Variants in SMARCAD1 observed in about 807,000 individuals in gnomAD.
The protein encoded by SMARCAD1 is SWI/SNF-related matrix-associated actin-dependent regulator of chromatin subfamily A containing DEAD/H box 1.
A neutral mutation model predicts 127.1 loss-of-function variants in SMARCAD1; 25 were observed. That is an observed-to-expected ratio of 0.20 (90% confidence interval 0.14 to 0.27). The LOEUF (loss-of-function observed/expected upper bound fraction) is 0.27, where lower values mean the gene tolerates loss of function less well. Ranked by LOEUF, SMARCAD1 falls within the 10% of genes least tolerant of loss-of-function variation. The pLI is 1.00. For synonymous variants in SMARCAD1, 400 were observed against 396.9 expected (o/e 1.01, Z -0.09); for missense variants, 807 against 1,206.0 (o/e 0.67, Z 4.90).
At chr4:94,287,097 C>T (rs1418179919) in intron 23 of SMARCAD1, among the ~76,000 whole-genome samples, 1 of 152,058 alleles carries the variant, frequency 6.6e-6, no homozygotes, top group African/African-American at 2.4e-5. Flanking sequence ...ATCTCCTGAC[C>T]TCGTGAGCCA....
intron 2 of SMARCAD1, among the ~76,000 whole-genome samples, chr4:94,214,982 A>G (rs890916569): frequency 4.6e-5 from 7 of 152,178 alleles, no homozygotes; most frequent in African/African-American, 1.2e-4. Flanking sequence ...GATCTTGAGT[A>G]AAAAGTCAAC....
At chr4:94,256,341 T>C (rs1750071566) in intron 9 of SMARCAD1, among the ~76,000 whole-genome samples, 1 of 152,028 alleles carries the variant, frequency 6.6e-6, no homozygotes, top group Non-Finnish European at 1.5e-5. Context: ...TCTACTAGAC[T>C]GTGGATTTTC....
intron 9 of SMARCAD1, among the ~76,000 whole-genome samples, chr4:94,261,846 A>G (rs1375880011): frequency 1.3e-5 from 2 of 152,064 alleles, no homozygotes; most frequent in African/African-American, 4.8e-5. Flanking sequence ...CTAGGCTCAA[A>G]CAGTGCTCTT....
At chr4:94,267,969 T>C (rs1579285498) in intron 10 of SMARCAD1, among the ~76,000 whole-genome samples, 1 of 152,166 alleles carries the variant, frequency 6.6e-6, no homozygotes, top group Non-Finnish European at 1.5e-5. Flanking sequence ...AATGTTGTTA[T>C]AATAAATGGG....
chr4:94,217,436 A>T (rs767846057), intron 2 of SMARCAD1, among the ~76,000 whole-genome samples: 1 of 151,950 alleles, frequency 6.6e-6, no homozygotes, highest in Non-Finnish European at 1.5e-5. Context: ...CTAGATTTTG[A>T]TGTGTTTTTG....
intron 12 of SMARCAD1, 24 bp downstream of exon 12, chr4:94,273,740 T>C: frequency 6.4e-7 from 1 of 1,555,822 alleles, no homozygotes; most frequent in Non-Finnish European, 8.9e-7. Context: ...GAGACAACTG[T>C]ATTTAACTTT....
At chr4:94,274,508 G>C (rs7653910) in intron 12 of SMARCAD1, among the ~76,000 whole-genome samples, 21,880 of 151,916 alleles carry the variant, frequency 0.14, 1,805 homozygotes, top group Non-Finnish European at 0.19. Context: ...GTGGAGATGG[G>C]GTTTCACCAT....
intron 2 of SMARCAD1, among the ~76,000 whole-genome samples, chr4:94,222,935 G>A (rs545195244): frequency 1.4e-4 from 21 of 152,174 alleles, no homozygotes; most frequent in Admixed American, 2.6e-4. Context: ...CTGCACTCCA[G>A]CCTGGGCGAC....
In SMARCAD1 at chr4:94,290,954, C is replaced by A; in HGVS notation, c.*1420C>A. On this transcript the variant is annotated 3_prime_UTR_variant, in exon 24 of 24. Coordinates refer to ENST00000354268, the MANE Select transcript of SMARCAD1 (RefSeq NM_020159.5). ...TTATTTAGATATTAAAGACTGAGAA[C>A]TCACGGCTTAACCCCAGTCTTGATG... is the stretch of plus-strand genomic sequence containing the variant. The A allele has an allele frequency of 2.2e-6, 1 of 452,058 alleles. No homozygotes were observed. Among genetic ancestry groups the A allele is most frequent in the South Asian group, 1.6e-5 (1 of 63,368 alleles). The allele number at this position is 452,058 out of a possible 1,614,324, so 28.0% of individuals were successfully genotyped here. A position where few individuals can be genotyped will look rare whatever the true frequency, so the allele number is the denominator to read the frequency against.
At chr4:94,255,337 A>G (rs1749903505) in intron 9 of SMARCAD1, among the ~76,000 whole-genome samples, 1 of 152,064 alleles carries the variant, frequency 6.6e-6, no homozygotes, top group Non-Finnish European at 1.5e-5. Flanking sequence ...GAGCCCGTGA[A>G]TAAAGTACAT....
chr4:94,276,718 AAGCCATAATTTACC>A (rs200556343), intron 15 of SMARCAD1, among the ~76,000 whole-genome samples: 5,489 of 152,256 alleles, frequency 0.036, 110 homozygotes, highest in Middle Eastern at 0.054. Flanking sequence ...ATTAGGTCAT[AAGCCATAATTTACC>A]TGTTCTATAT....
intron 2 of SMARCAD1, among the ~76,000 whole-genome samples, chr4:94,221,459 A>G (rs1190250194): frequency 2.6e-5 from 4 of 152,218 alleles, no homozygotes; most frequent in African/African-American, 9.6e-5. Flanking sequence ...AATATTCACA[A>G]TAATCTAAAA....
At chr4:94,253,241 A>T (rs1749544646) in intron 9 of SMARCAD1, 1 of 1,495,704 alleles carries the variant, frequency 6.7e-7, no homozygotes. Flanking sequence ...ATTGGCTGGG[A>T]ATACTGTCAC....
chr4:94,279,893 T>C (rs1283405801), intron 19 of SMARCAD1, among the ~76,000 whole-genome samples: 13 of 152,126 alleles, frequency 8.5e-5, no homozygotes. Context: ...AGATAGACTT[T>C]TGCTCTTGTC....
intron 3 of SMARCAD1, among the ~76,000 whole-genome samples, chr4:94,226,645 T>C (rs1745066330): frequency 6.6e-6 from 1 of 151,928 alleles, no homozygotes. Context: ...AGTCCATGAA[T>C]CAAGTCATTT....
chr4:94,273,838 T>A, intron 12 of SMARCAD1, 122 bp downstream of exon 12: 1 of 732,110 alleles, frequency 1.4e-6, no homozygotes, highest in Non-Finnish European at 2.4e-6. Context: ...AGATGAATAT[T>A]AATTTTATGG....
In SMARCAD1 at chr4:94,273,613, T is replaced by C. The variant is rs1053520716; in HGVS notation, c.1573-4T>C. On this transcript the variant is annotated splice_region_variant and splice_polypyrimidine_tract_variant and intron_variant, in intron 11 of 23. Transcript: ENST00000354268. ...TGTTATATATTGTCTTTTAAACTTTTTAGGGCCTAGGAAAAACTATTCAAG... is the reference window on the plus strand; with the variant it reads ...TGTTATATATTGTCTTTTAAACTTTCTAGGGCCTAGGAAAAACTATTCAAG... 1.9e-5 allele frequency: 30 copies of C among 1,611,114 alleles called. No homozygotes were observed. The highest frequency in any genetic ancestry group is 2.5e-5 in the Non-Finnish European group (29 of 1,177,744).
intron 6 of SMARCAD1, among the ~76,000 whole-genome samples, chr4:94,246,212 C>T (rs559648482): frequency 2.4e-4 from 36 of 151,988 alleles, no homozygotes; most frequent in East Asian, 1.9e-4. Context: ...CTCCGCCTCC[C>T]GGGTTCAAGC....
At position 94,226,312 on chromosome 4, in the gene SMARCAD1, G is replaced by C. The variant is rs764689522; in HGVS notation, c.368+16G>C. ...TGATTATAGTGTAAGCTGATTAATA[G>C]ATATATTGTATTTGCATGTGTGTGA... On this transcript the variant is annotated intron_variant, in intron 3 of 23. Coordinates refer to ENST00000354268, the MANE Select transcript of SMARCAD1 (RefSeq NM_020159.5). 1 of 1,593,270 alleles carries C rather than the reference G, an allele frequency of 6.3e-7. No homozygotes were observed. The highest frequency in any genetic ancestry group is 1.1e-5 in the South Asian group (1 of 90,386).
Sources: allele counts gnomAD v4.1 joint callset (sites outside exome capture counted in the v4.1 genomes callset), GRCh38; gene constraint gnomAD v4.1.1; transcripts MANE v1.5; gene names NCBI Gene and HGNC (gene_info 2026-07-23, HGNC 2026-07-21).